Variants in ILRUN observed in about 807,000 individuals in gnomAD.
ILRUN encodes the protein inflammation and lipid regulator with UBA-like and NBR1-like domains, also known as protein ILRUN.
In ILRUN, 3 loss-of-function variants were observed where a neutral mutation model predicts 33.8. The ratio of observed to expected loss-of-function variants is 0.09; its 90% CI spans 0.04 to 0.23. The LOEUF (loss-of-function observed/expected upper bound fraction) is 0.23, where lower values mean the gene tolerates loss of function less well. Among genes scored for constraint, ILRUN ranks in the 10% least tolerant of loss-of-function variants. The pLI is 1.00. For synonymous variants in ILRUN, 124 were observed against 138.9 expected (o/e 0.89, Z 0.75); for missense variants, 210 against 375.1 (o/e 0.56, Z 3.64).
At position 34,592,652 on chromosome 6, in the gene ILRUN, C is replaced by T. The variant is rs2063083450; in HGVS notation, c.862-2052G>A. On this transcript the variant is annotated intron_variant, in intron 4 of 4. Coordinates refer to ENST00000374023, the MANE Select transcript of ILRUN (RefSeq NM_024294.4). The surrounding 1 kb of genome is among the most constrained non-coding windows in gnomAD (Gnocchi z 4.0). ...CTGGGATTACAGGCATGAGCCACTG[C>T]GCCTGGCCTTTGCCATTACTTTTAA... Among the ~76,000 whole-genome samples the T allele has an allele frequency of 1.3e-5, 2 of 152,228 alleles. No homozygotes were observed. Among genetic ancestry groups the T allele is most frequent in the South Asian group, 2.1e-4 (1 of 4,826 alleles).
At position 34,588,562 on chromosome 6, in the gene ILRUN, T is replaced by C; in HGVS notation, c.*2003A>G. On this transcript the variant is annotated 3_prime_UTR_variant, in exon 5 of 5. Transcript: ENST00000374023. The stretch of plus-strand genomic sequence containing the variant: ...CAGCAGTCTGGGCCTAATGAGGCCC[T>C]CAGACAAAAAGCCATCCTGAGGCCT... 4.4e-6 allele frequency: 1 copy of C among 227,518 alleles called. No individual in the cohort carries two copies. The highest frequency in any genetic ancestry group is 8.5e-6 in the Non-Finnish European group (1 of 117,390). The allele number at this position is 227,518 out of a possible 1,614,324, so 14.1% of individuals were successfully genotyped here.
chr6:34,662,319 AAG>A (rs1360845984), intron 1 of ILRUN, among the ~76,000 whole-genome samples: 2 of 151,312 alleles, frequency 1.3e-5, no homozygotes, highest in African/African-American at 4.8e-5. Context: ...AAAAAAAAAA[AAG>A]AAAAAGAAAA....
intron 4 of ILRUN, among the ~76,000 whole-genome samples, chr6:34,596,631 T>C (rs1222869309): frequency 2.0e-5 from 3 of 152,126 alleles, no homozygotes; most frequent in African/African-American, 7.2e-5. Flanking sequence ...GTCTCTTTCA[T>C]GTGACAGTTT....
intron 3 of ILRUN, among the ~76,000 whole-genome samples, chr6:34,629,116 A>G (rs1477517642): frequency 1.3e-5 from 2 of 152,168 alleles, no homozygotes; most frequent in Non-Finnish European, 2.9e-5. Context: ...AAAGAATATA[A>G]AAAGAGAATG....
intron 4 of ILRUN, among the ~76,000 whole-genome samples, chr6:34,593,288 C>A (rs904677257): frequency 2.6e-5 from 4 of 152,114 alleles, no homozygotes; most frequent in South Asian, 4.1e-4. Flanking sequence ...AATATTTACC[C>A]CTTTACCCTA....
intron 4 of ILRUN, among the ~76,000 whole-genome samples, chr6:34,602,625 C>T (rs1761533723): frequency 2.0e-5 from 3 of 152,216 alleles, no homozygotes; most frequent in Non-Finnish European, 4.4e-5. Context: ...CATTAAAACA[C>T]TTTCTAGCCT....
At chr6:34,694,211 T>A (rs939246576) in intron 1 of ILRUN, among the ~76,000 whole-genome samples, 1 of 152,146 alleles carries the variant, frequency 6.6e-6, no homozygotes, top group Non-Finnish European at 1.5e-5. Flanking sequence ...ACCTCAAACA[T>A]ATAAAATTCA....
At chr6:34,682,266 T>TG (rs959774778) in intron 1 of ILRUN, among the ~76,000 whole-genome samples, 17 of 103,122 alleles carry the variant, frequency 1.6e-4, no homozygotes, top group East Asian at 1.5e-3. Context: ...TTTTTTTTTT[T>TG]TTTTTTTTTT....
chr6:34,625,962 T>C (rs909201284), intron 3 of ILRUN, among the ~76,000 whole-genome samples: 61 of 149,812 alleles, frequency 4.1e-4, no homozygotes, highest in Non-Finnish European at 1.8e-4. Context: ...GCCATACTCC[T>C]GCCTCAGCCT....
At chr6:34,610,259 C>T (rs1761721790) in intron 3 of ILRUN, among the ~76,000 whole-genome samples, 1 of 152,190 alleles carries the variant, frequency 6.6e-6, no homozygotes, top group Non-Finnish European at 1.5e-5. Flanking sequence ...CTTAACACCA[C>T]ACATGTAGTG....
Position 34,590,469 on chromosome 6 carries a change from T to G in ILRUN, c.*96A>C, listed in dbSNP as rs1761272587. 4.4e-6 allele frequency: 7 copies of G among 1,582,506 alleles called. No individual in the cohort carries two copies. The highest frequency in any genetic ancestry group is 4.5e-5 in the East Asian group (2 of 44,310). On this transcript the variant is annotated 3_prime_UTR_variant, in exon 5 of 5. Coordinates refer to ENST00000374023, the MANE Select transcript of ILRUN (RefSeq NM_024294.4). ...AGAGGGGGTCAGAGCCAGGGGTCTGTGCGATGTGGTCTGCAATCCAGAGGA... is the reference window on the plus strand; with the variant it reads ...AGAGGGGGTCAGAGCCAGGGGTCTGGGCGATGTGGTCTGCAATCCAGAGGA...
Position 34,647,401 on chromosome 6 carries a change from G to T in ILRUN, c.314-603C>A, listed in dbSNP as rs974026121. Among the ~76,000 whole-genome samples the T allele has an allele frequency of 2.6e-5, 4 of 152,198 alleles. No individual in the cohort carries two copies. In the South Asian group the frequency reaches 8.3e-4, roughly 32 times the overall value. On this transcript the variant is annotated intron_variant, in intron 2 of 4. Transcript: ENST00000374023. ...GGCAGTAAAAGTTTAGACCTTGGGT[G>T]GTAGTGAAAATATAAACAATGGGGT...
intron 1 of ILRUN, among the ~76,000 whole-genome samples, chr6:34,674,017 G>C (rs1763175350): frequency 1.3e-5 from 2 of 151,976 alleles, no homozygotes; most frequent in African/African-American, 4.8e-5. Context: ...ATTACTATGG[G>C]TCAGGCAGAG....
chr6:34,677,219 G>C (rs1378016270), intron 1 of ILRUN, among the ~76,000 whole-genome samples: 1 of 151,878 alleles, frequency 6.6e-6, no homozygotes, highest in Non-Finnish European at 1.5e-5. Flanking sequence ...AGGCAGGAGA[G>C]TCACTTGAAC....
intron 4 of ILRUN, among the ~76,000 whole-genome samples, chr6:34,594,274 G>C (rs1049983798): frequency 3.9e-5 from 6 of 152,054 alleles, no homozygotes; most frequent in Admixed American, 1.3e-4. Flanking sequence ...AATTCAACTC[G>C]GACCCAAGCA....
At chr6:34,599,198 T>C (rs2814972) in intron 4 of ILRUN, among the ~76,000 whole-genome samples, 67,356 of 152,116 alleles carry the variant, frequency 0.44, 16,901 homozygotes, top group African/African-American at 0.69. Flanking sequence ...TGAATGTGAG[T>C]AAGTTACTTA....
chr6:34,696,068 G>A (rs1763763371), intron 1 of ILRUN, among the ~76,000 whole-genome samples: 1 of 151,768 alleles, frequency 6.6e-6, no homozygotes, highest in Non-Finnish European at 1.5e-5. Context: ...CCCAAATCCA[G>A]ATCTCCTGTG....
chr6:34,659,778 C>T (rs1001291017), intron 1 of ILRUN, among the ~76,000 whole-genome samples: 3 of 151,744 alleles, frequency 2.0e-5, no homozygotes, highest in East Asian at 1.9e-4. Context: ...TGTGCCACCA[C>T]GCTCGGCTAA....
At chr6:34,656,557 C>T (rs191861402) in intron 1 of ILRUN, among the ~76,000 whole-genome samples, 2 of 152,334 alleles carry the variant, frequency 1.3e-5, no homozygotes, top group Non-Finnish European at 2.9e-5. Context: ...CGCTATGTAA[C>T]AATCCAAACT....
Sources: allele counts gnomAD v4.1 joint callset (sites outside exome capture counted in the v4.1 genomes callset), GRCh38; gene constraint gnomAD v4.1.1; non-coding constraint Gnocchi (gnomAD v3.1); transcripts MANE v1.5; gene names NCBI Gene and HGNC (gene_info 2026-07-23, HGNC 2026-07-21).